The following OR6N1 variants were observed in gnomAD, a reference collection of about 807,000 sequenced individuals.
OR6N1 encodes the protein olfactory receptor family 6 subfamily N member 1, also known as olfactory receptor 6N1.
For missense variants in OR6N1, 394 were observed against 371.7 expected (o/e 1.06, Z -0.49); for synonymous variants, 170 against 150.7 (o/e 1.13, Z -0.94).
the OR6N1 span, among the ~76,000 whole-genome samples, chr1:158,808,161 G>T: frequency 4.9e-4 from 55 of 111,216 alleles, no homozygotes; most frequent in African/African-American, 2.0e-3. Context: ...TTTTTAAGAC[G>T]GAGTCTTGCT....
chr1:158,776,651 C>T (rs755400401), upstream of OR6N1: 6 of 1,317,098 alleles, frequency 4.6e-6, no homozygotes, highest in South Asian at 2.7e-5. Flanking sequence ...ATGAATTGAA[C>T]ATTGAGGTGA....
chr1:158,785,331 G>A, the OR6N1 span, among the ~76,000 whole-genome samples: 6 of 152,070 alleles, frequency 3.9e-5, no homozygotes, highest in South Asian at 4.1e-4. Context: ...TCCTTCTTAT[G>A]TATTAAACTA....
Position 158,766,512 on chromosome 1 carries a change from T to A in OR6N1, c.171A>T (p.Thr57=). Residue 57 remains threonine, a synonymous_variant, in exon 2 of 2, where the codon ACA becomes ACT. Transcript: ENST00000641846. The stretch of plus-strand genomic sequence containing the variant: ...GAATGCTGACAAAGTGGTACATGGG[T>A]GTGTGAAGCCGGGAGTCCAGGCAGA... ...LVVCLDSRLH[T]PMYHFVSILS... 6.2e-7 allele frequency: 1 copy of A among 1,613,844 alleles called. No individual in the cohort carries two copies. The highest frequency in any genetic ancestry group is 8.5e-7 in the Non-Finnish European group (1 of 1,179,930).
Position 158,766,188 on chromosome 1 carries a change from G to A in OR6N1, c.495C>T (p.Arg165=), listed in dbSNP as rs758087003. Residue 165 remains arginine (R), a synonymous_variant, in exon 2 of 2, where the codon CGC becomes CGT. Transcript: ENST00000641846. ...GPVVEISLIS[R]LPFCGPNRIQ... ...TGCGATTGGGGCCACAGAATGGGAG[G>A]CGTGAAATCAAGGAAATTTCAACTA... The A allele has an allele frequency of 1.5e-5, 24 of 1,614,006 alleles. No individual in the cohort carries two copies. The East Asian group carries it at 4.9e-4, about 33-fold the overall frequency.
At chr1:158,798,147 C>T in the OR6N1 span, among the ~76,000 whole-genome samples, 1 of 151,816 alleles carries the variant, frequency 6.6e-6, no homozygotes, top group East Asian at 1.9e-4. Context: ...CCTCTCTCTC[C>T]TTTATTTTTT....
At chr1:158,770,930 AC>A (rs1657410691) in intron 1 of OR6N1, among the ~76,000 whole-genome samples, 2 of 152,180 alleles carry the variant, frequency 1.3e-5, no homozygotes, top group Non-Finnish European at 2.9e-5. Flanking sequence ...CCTGGCTTTC[AC>A]CATTATTCTT....
Position 158,765,557 on chromosome 1 carries a change from A to G in OR6N1, c.*187T>C. ...TGTACTTTCCCTAGTCTCTGGTCTC[A>G]AGCCAAATGTGGCTCCAGCAGACAG... is the stretch of plus-strand genomic sequence containing the variant. On this transcript the variant is annotated 3_prime_UTR_variant, in exon 2 of 2. Transcript: ENST00000641846. 5.3e-6 allele frequency: 3 copies of G among 562,966 alleles called. No homozygotes were observed. In the South Asian group the frequency reaches 7.7e-5, roughly 14 times the overall value. 34.9% of individuals were successfully genotyped at this position (562,966 alleles called of 1,614,324 possible).
the OR6N1 span, among the ~76,000 whole-genome samples, chr1:158,801,046 C>G: frequency 6.6e-6 from 1 of 152,126 alleles, no homozygotes; most frequent in Non-Finnish European, 1.5e-5. Context: ...TCACTTCTCA[C>G]CAATCCATGC....
the OR6N1 span, among the ~76,000 whole-genome samples, chr1:158,823,230 G>A: frequency 2.6e-5 from 4 of 152,130 alleles, no homozygotes; most frequent in Non-Finnish European, 4.4e-5. Flanking sequence ...CACAGAATGA[G>A]TTGGGGCAGA....
chr1:158,781,678 C>T, the OR6N1 span, among the ~76,000 whole-genome samples: 1 of 152,192 alleles, frequency 6.6e-6, no homozygotes. Flanking sequence ...TGAATCCCAC[C>T]TAATATTCTT....
chr1:158,826,290 C>A, the OR6N1 span, among the ~76,000 whole-genome samples: 2 of 151,770 alleles, frequency 1.3e-5, no homozygotes, highest in East Asian at 3.9e-4. Context: ...TTTTTAAAAA[C>A]ATACTTTTTA....
Position 158,766,113 on chromosome 1 carries a change from AGT to A in OR6N1, c.568_569del (p.Thr190Ter). 6.2e-7 allele frequency: 1 copy of A among 1,614,210 alleles called. No individual in the cohort carries two copies. On this transcript the variant is annotated frameshift_variant, in exon 2 of 2. Transcript: ENST00000641846. LOFTEE classifies it low-confidence loss of function (END_TRUNC). ...DFPPVLSLAC[T>X]DTSINVLVDF... Reference sequence around the variant, plus strand: ...CTACTAGGACATTTATAGACGTATCAGTGCAAGCCAAACTCAGCACAGGAGGG... The same window carrying A: ...CTACTAGGACATTTATAGACGTATCAGCAAGCCAAACTCAGCACAGGAGGG...
At chr1:158,776,515 G>T (rs533527131), upstream of OR6N1, 1 of 483,296 alleles carries the variant, frequency 2.1e-6, no homozygotes, top group Non-Finnish European at 3.6e-6. Flanking sequence ...ATAAGTGATC[G>T]AGTAAAAAAT....
chr1:158,794,565 C>A, the OR6N1 span, among the ~76,000 whole-genome samples: 1 of 152,168 alleles, frequency 6.6e-6, no homozygotes, highest in African/African-American at 2.4e-5. Flanking sequence ...AGTCTCCCAG[C>A]AGCAGGTACC....
the OR6N1 span, among the ~76,000 whole-genome samples, chr1:158,826,384 GAAAT>G: frequency 2.2e-3 from 330 of 152,174 alleles, 1 homozygote; most frequent in African/African-American, 6.5e-3. Context: ...AGAAAAGAGA[GAAAT>G]AAAAATGAAA....
the OR6N1 span, among the ~76,000 whole-genome samples, chr1:158,822,461 A>G: frequency 3.3e-5 from 5 of 151,976 alleles, no homozygotes; most frequent in Admixed American, 2.6e-4. Flanking sequence ...TCTTTTTGTG[A>G]CAATTGTGAA....
At chr1:158,833,093 A>G in the OR6N1 span, among the ~76,000 whole-genome samples, 1 of 152,154 alleles carries the variant, frequency 6.6e-6, no homozygotes, top group Admixed American at 6.5e-5. Context: ...TGTTAAGAGT[A>G]TGTTCATATA....
At chr1:158,821,627 A>G in the OR6N1 span, among the ~76,000 whole-genome samples, 1 of 152,294 alleles carries the variant, frequency 6.6e-6, no homozygotes, top group Non-Finnish European at 1.5e-5. Context: ...CATTTCTTCT[A>G]GGGTTGAATA....
At chr1:158,773,644 A>G (rs1008074978), upstream of OR6N1, among the ~76,000 whole-genome samples, 5 of 152,156 alleles carry the variant, frequency 3.3e-5, no homozygotes, top group African/African-American at 9.7e-5. Flanking sequence ...GACTGTCAGC[A>G]AAAATGATTT....
Sources: allele counts gnomAD v4.1 joint callset (sites outside exome capture counted in the v4.1 genomes callset), GRCh38; gene constraint gnomAD v4.1.1; transcripts MANE v1.5; gene names NCBI Gene and HGNC (gene_info 2026-07-23, HGNC 2026-07-21).